MAP2: variants seen among roughly 807,000 people sequenced by gnomAD.
MAP2 encodes microtubule-associated protein 2.
A neutral mutation model predicts 137.6 loss-of-function variants in MAP2; 14 were observed. The ratio of observed to expected loss-of-function variants is 0.10; its 90% confidence interval spans 0.07 to 0.16. MAP2 has a LOEUF of 0.16. Among genes scored for constraint, MAP2 ranks in the 10% least tolerant of loss-of-function variants. The probability of loss-of-function intolerance (pLI) is 1.00; values close to 1 mark genes in which losing one functional copy is unlikely to be tolerated. For synonymous variants in MAP2, 786 were observed against 782.3 expected (o/e 1.00, Z -0.08); for missense variants, 2,088 against 2,191.5 (o/e 0.95, Z 0.94).
At chr2:209,699,905 AC>A (rs1182369364) in intron 10 of MAP2, among the ~76,000 whole-genome samples, 1 of 152,156 alleles carries the variant, frequency 6.6e-6, no homozygotes, top group Admixed American at 6.5e-5. Context: ...AACCCCAGAA[AC>A]CAATCAGTGT....
rs2059940490 is a variant in MAP2 at position 209,695,411 on chromosome 2, TCA to T, written c.3242_3243del (p.Ser1081PhefsTer14). 1.9e-6 allele frequency: 3 copies of T among 1,613,050 alleles called. No individual in the cohort carries two copies. The African/African-American group carries it at 4.0e-5, about 22-fold the overall frequency. On this transcript the variant is annotated frameshift_variant, in exon 8 of 16. Coordinates refer to ENST00000682079, the MANE Select transcript of MAP2 (RefSeq NM_001375505.1). LOFTEE classifies it high-confidence loss of function. ...KLEATQDMTP[S>X]SKAPQEADAF... ...TGAGGCTACACAGGACATGACCCCCTCATCCAAAGCACCGCAGGAGGCAGATG... is the reference window on the plus strand; with the variant it reads ...TGAGGCTACACAGGACATGACCCCCTTCCAAAGCACCGCAGGAGGCAGATG...
intron 3 of MAP2, among the ~76,000 whole-genome samples, chr2:209,583,978 C>T (rs1328882062): frequency 6.6e-6 from 1 of 151,814 alleles, no homozygotes; most frequent in Non-Finnish European, 1.5e-5. Flanking sequence ...TTTATGTCCA[C>T]AATTACCGAG....
chr2:209,653,729 CTT>C (rs1285679160), intron 5 of MAP2, among the ~76,000 whole-genome samples: 1 of 152,114 alleles, frequency 6.6e-6, no homozygotes, highest in Non-Finnish European at 1.5e-5. Flanking sequence ...TGAAAGAAAA[CTT>C]TACAAATAGT....
intron 3 of MAP2, among the ~76,000 whole-genome samples, chr2:209,590,662 A>G (rs2079015543): frequency 6.6e-6 from 1 of 152,224 alleles, no homozygotes; most frequent in Non-Finnish European, 1.5e-5. Flanking sequence ...TTAAAAATTG[A>G]AAGTTGACTT....
At chr2:209,728,983 A>G (rs939826431) in intron 14 of MAP2, among the ~76,000 whole-genome samples, 2 of 152,256 alleles carry the variant, frequency 1.3e-5, no homozygotes, top group East Asian at 1.9e-4. Flanking sequence ...ATCAGCAGAC[A>G]CTCAGAAATG....
chr2:209,426,669 A>G (rs1692666687), intron 1 of MAP2, among the ~76,000 whole-genome samples: 1 of 152,176 alleles, frequency 6.6e-6, no homozygotes, highest in Non-Finnish European at 1.5e-5. Flanking sequence ...CACCCATCTC[A>G]GGGCAAAAGC....
chr2:209,431,843 C>T (rs1156951059), intron 1 of MAP2, among the ~76,000 whole-genome samples: 2 of 152,100 alleles, frequency 1.3e-5, no homozygotes, highest in East Asian at 1.9e-4. Context: ...GGGAGGGGCT[C>T]GGAATTCTAG....
At chr2:209,586,669 GAA>G (rs2153419962) in intron 3 of MAP2, among the ~76,000 whole-genome samples, 1 of 152,244 alleles carries the variant, frequency 6.6e-6, no homozygotes, top group South Asian at 2.1e-4. Context: ...TTAAAGCAGA[GAA>G]GAGTCAACTG....
At chr2:209,641,885 C>T (rs2094056040) in intron 4 of MAP2, among the ~76,000 whole-genome samples, 1 of 152,026 alleles carries the variant, frequency 6.6e-6, no homozygotes, top group African/African-American at 2.4e-5. Context: ...TGCCCAGTTT[C>T]ATATGGTAGG....
intron 1 of MAP2, among the ~76,000 whole-genome samples, chr2:209,503,330 A>G (rs1051170075): frequency 7.2e-5 from 11 of 151,972 alleles, no homozygotes; most frequent in African/African-American, 2.7e-4. Flanking sequence ...CCCTTATCAG[A>G]TATATGGTTT....
At chr2:209,443,078 A>G (rs1253060761) in intron 1 of MAP2, among the ~76,000 whole-genome samples, 1 of 151,636 alleles carries the variant, frequency 6.6e-6, no homozygotes, top group Non-Finnish European at 1.5e-5. Context: ...TTAATATAGC[A>G]TATAAAACCA....
chr2:209,452,265 A>G (rs1168367470), intron 1 of MAP2, among the ~76,000 whole-genome samples: 1 of 152,156 alleles, frequency 6.6e-6, no homozygotes, highest in Non-Finnish European at 1.5e-5. Context: ...CCTATATGCA[A>G]ATACTAAAGA....
chr2:209,543,468 C>A (rs2067411206), intron 2 of MAP2, among the ~76,000 whole-genome samples: 1 of 152,188 alleles, frequency 6.6e-6, no homozygotes, highest in South Asian at 2.1e-4. Flanking sequence ...TACCACAAAT[C>A]TTCAATTTGT....
chr2:209,620,710 T>A (rs1376426864), intron 3 of MAP2, among the ~76,000 whole-genome samples: 2 of 152,224 alleles, frequency 1.3e-5, no homozygotes, highest in Non-Finnish European at 2.9e-5. Context: ...TTTTCCCAAC[T>A]GTTTTGGACA....
chr2:209,717,986 A>G (rs893467602), intron 13 of MAP2, among the ~76,000 whole-genome samples: 1 of 152,204 alleles, frequency 6.6e-6, no homozygotes, highest in Non-Finnish European at 1.5e-5. Flanking sequence ...CTGTTGGTCA[A>G]CACAGCATGA....
intron 5 of MAP2, among the ~76,000 whole-genome samples, chr2:209,659,511 C>G (rs564172516): frequency 1.3e-5 from 2 of 152,112 alleles, no homozygotes; most frequent in Non-Finnish European, 2.9e-5. Context: ...CAGCAGTTAT[C>G]GATTACAGGC....
intron 2 of MAP2, among the ~76,000 whole-genome samples, chr2:209,538,122 G>T (rs1173918749): frequency 6.6e-6 from 1 of 152,138 alleles, no homozygotes; most frequent in Non-Finnish European, 1.5e-5. Context: ...GCAGAAATCT[G>T]TTGGTTATTT....
At chr2:209,639,354 T>G (rs1287474455) in intron 4 of MAP2, among the ~76,000 whole-genome samples, 7 of 152,204 alleles carry the variant, frequency 4.6e-5, no homozygotes, top group Non-Finnish European at 8.8e-5. Context: ...TGAAACAGTC[T>G]GTTAAGTTTA....
chr2:209,643,738 A>G (rs934705866), intron 4 of MAP2, among the ~76,000 whole-genome samples: 5 of 152,210 alleles, frequency 3.3e-5, no homozygotes, highest in African/African-American at 1.2e-4. Flanking sequence ...CATTCTTGGA[A>G]GATACTACAA....
Sources: gnomAD v4.1 joint callset for allele counts (sites outside exome capture counted in the v4.1 genomes callset) on GRCh38, gnomAD v4.1.1 for gene constraint, MANE v1.5 for transcripts, NCBI Gene and HGNC (gene_info 2026-07-23, HGNC 2026-07-21) for gene names.